Variants in GALNT10 observed in about 807,000 individuals in gnomAD.
GALNT10 encodes GalNAc transferase 10.
GALNT10 carries 41 observed loss-of-function variants against 75.0 expected under a neutral mutation model. That is an observed-to-expected ratio of 0.55 (90% CI 0.43 to 0.71). GALNT10 has a LOEUF of 0.71. Among genes scored for constraint, GALNT10 ranks in the 30% least tolerant of loss-of-function variants. The probability of loss-of-function intolerance (pLI) is 0.00; values close to 1 mark genes in which losing one functional copy is unlikely to be tolerated. For synonymous variants in GALNT10, 302 were observed against 313.0 expected, an observed-to-expected ratio of 0.96 and a Z score of 0.37; for missense variants, 727 against 818.5, an observed-to-expected ratio of 0.89 and a Z score of 1.36.
chr5:154,264,953 C>T (rs2113027699), intron 1 of GALNT10, among the ~76,000 whole-genome samples: 2 of 152,256 alleles, frequency 1.3e-5, no homozygotes, highest in Middle Eastern at 3.4e-3. Flanking sequence ...AAATTATAGC[C>T]AATGGGAACA....
At chr5:154,211,285 A>G (rs1425406015) in intron 1 of GALNT10, among the ~76,000 whole-genome samples, 2 of 152,098 alleles carry the variant, frequency 1.3e-5, no homozygotes, top group South Asian at 2.1e-4. Context: ...AGCCCCCACT[A>G]TGGACTCTCT....
intron 1 of GALNT10, among the ~76,000 whole-genome samples, chr5:154,216,397 T>G (rs980159088): frequency 6.6e-6 from 1 of 152,210 alleles, no homozygotes; most frequent in Non-Finnish European, 1.5e-5. Context: ...TGTATCTACT[T>G]ATTCATCAAA....
intron 1 of GALNT10, among the ~76,000 whole-genome samples, chr5:154,292,051 A>C (rs1463954662): frequency 6.6e-6 from 1 of 152,166 alleles, no homozygotes; most frequent in Non-Finnish European, 1.5e-5. Flanking sequence ...AACCAAACCA[A>C]AACGAAAAGC....
At chr5:154,383,037 T>A (rs1755756077) in intron 6 of GALNT10, among the ~76,000 whole-genome samples, 2 of 152,158 alleles carry the variant, frequency 1.3e-5, no homozygotes, top group South Asian at 4.1e-4. Flanking sequence ...AGTCTGGGGG[T>A]GGGATGCAGG....
At chr5:154,385,396 A>G (rs564461222) in intron 6 of GALNT10, among the ~76,000 whole-genome samples, 2 of 151,806 alleles carry the variant, frequency 1.3e-5, no homozygotes, top group Non-Finnish European at 2.9e-5. Context: ...CTGACGTTTT[A>G]TCCTCCCCTC....
intron 7 of GALNT10, chr5:154,392,994 G>A (rs1454877806): frequency 7.8e-6 from 1 of 128,552 alleles, no homozygotes; most frequent in Non-Finnish European, 1.6e-5. Context: ...GTCCTTTGGG[G>A]ATAAATAAGT....
At chr5:154,408,360 A>C (rs1280170303) in intron 8 of GALNT10, among the ~76,000 whole-genome samples, 1 of 152,162 alleles carries the variant, frequency 6.6e-6, no homozygotes, top group African/African-American at 2.4e-5. Context: ...ATAGGGAAAA[A>C]ACTTACGAAG....
chr5:154,307,480 C>T (rs35495653), intron 3 of GALNT10, among the ~76,000 whole-genome samples: 47,426 of 151,656 alleles, frequency 0.31, 7,751 homozygotes, highest in Non-Finnish European at 0.35. Context: ...ATTAGCCAGG[C>T]GTGGTGGCAG....
rs529497768 is a variant in GALNT10, at chr5:154,254,832, C to T, written c.160-39984C>T. 4.3e-4 allele frequency among the ~76,000 whole-genome samples: 65 copies of T among 152,222 alleles called. 1 individual carries two copies. In the South Asian group the frequency reaches 0.012, roughly 27 times the overall value. Reference sequence around the variant, plus strand: ...AAGTGCATTGAATATATTAAGACAACAAGAAGTTCAGGGGCAGGTAATTTA... The same window carrying T: ...AAGTGCATTGAATATATTAAGACAATAAGAAGTTCAGGGGCAGGTAATTTA... On this transcript the variant is annotated intron_variant, in intron 1 of 11. Coordinates refer to ENST00000297107, the MANE Select transcript of GALNT10 (RefSeq NM_198321.4).
intron 7 of GALNT10, among the ~76,000 whole-genome samples, chr5:154,390,384 T>C (rs1471449211): frequency 6.6e-6 from 1 of 152,216 alleles, no homozygotes; most frequent in African/African-American, 2.4e-5. Context: ...CTGTAATCTA[T>C]AACCAGATGT....
In GALNT10 at chr5:154,352,148, A is replaced by G. The variant is rs749636565; in HGVS notation, c.568+22410A>G. On this transcript the variant is annotated intron_variant, in intron 4 of 11. Coordinates refer to ENST00000297107, the MANE Select transcript of GALNT10 (RefSeq NM_198321.4). The surrounding 1 kb of genome is among the most constrained non-coding windows in gnomAD (Gnocchi z 4.4). ...CTGTTTACCAGATACCTGAGTTTCTAGCATTGGCCATTCCTGGCCTGACTC... is the reference window on the plus strand; with the variant it reads ...CTGTTTACCAGATACCTGAGTTTCTGGCATTGGCCATTCCTGGCCTGACTC... 3.3e-5 allele frequency among the ~76,000 whole-genome samples: 5 copies of G among 152,218 alleles called. No individual in the cohort carries two copies. Among genetic ancestry groups the G allele is most frequent in the Non-Finnish European group, 5.9e-5 (4 of 68,040 alleles).
intron 1 of GALNT10, among the ~76,000 whole-genome samples, chr5:154,240,794 CT>C (rs1753324461): frequency 6.6e-6 from 1 of 152,150 alleles, no homozygotes; most frequent in African/African-American, 2.4e-5. Context: ...TGAGAAGGTG[CT>C]ATTTCACTGT....
chr5:154,382,812 C>T (rs1435489249), intron 6 of GALNT10, among the ~76,000 whole-genome samples: 1 of 152,352 alleles, frequency 6.6e-6, no homozygotes, highest in South Asian at 2.1e-4. Context: ...CCATCGTTAT[C>T]CTCATTGCAC....
chr5:154,308,683 T>C (rs1754468988), intron 3 of GALNT10, among the ~76,000 whole-genome samples: 1 of 152,232 alleles, frequency 6.6e-6, no homozygotes. Flanking sequence ...GTGTTTGTTA[T>C]GGGCTCCTTT....
Position 154,269,022 on chromosome 5 carries a change from C to T in GALNT10, c.160-25794C>T, listed in dbSNP as rs1352278932. Among the ~76,000 whole-genome samples, 4 of 94,978 alleles carry T rather than the reference C, an allele frequency of 4.2e-5. No individual in the cohort carries two copies. In the East Asian group the frequency reaches 9.4e-4, roughly 22 times the overall value. 62.3% of individuals were successfully genotyped at this position (94,978 alleles called of 152,430 possible). On this transcript the variant is annotated intron_variant, in intron 1 of 11. Transcript: ENST00000297107. ...GGAAAATATAAAGAATCTGAGATGCCCTCATCTCATTGTGGCTCAAATGCA... is the reference window on the plus strand; with the variant it reads ...GGAAAATATAAAGAATCTGAGATGCTCTCATCTCATTGTGGCTCAAATGCA...
rs115184295 is a variant in GALNT10, at chr5:154,336,857, G to A, written c.568+7119G>A. On this transcript the variant is annotated intron_variant, in intron 4 of 11. Coordinates refer to ENST00000297107, the MANE Select transcript of GALNT10 (RefSeq NM_198321.4). ...ACTCTTTTATTATCACAGCACTATG[G>A]TAGGTTCTGTCATGCCTAGTGTGAA... Among the ~76,000 whole-genome samples, 1,232 of 152,258 alleles carry A rather than the reference G, an allele frequency of 8.1e-3. 23 individuals carry two copies. The highest frequency in any genetic ancestry group is 0.028 in the African/African-American group (1,157 of 41,546).
In GALNT10 at chr5:154,420,038, G is replaced by A. The variant is rs1370037890; in HGVS notation, c.*3066G>A. The A allele has an allele frequency of 6.6e-6, 1 of 152,200 alleles. No homozygotes were observed. Among genetic ancestry groups the A allele is most frequent in the East Asian group, 1.9e-4 (1 of 5,200 alleles). The allele number at this position is 152,200 out of a possible 1,614,324, so 9.4% of individuals were successfully genotyped here. A position where few individuals can be genotyped will look rare whatever the true frequency, so the allele number is the denominator to read the frequency against. On this transcript the variant is annotated 3_prime_UTR_variant, in exon 12 of 12. Transcript: ENST00000297107. ...CTGTTGCTTTAAGAACAAGGCCTTT[G>A]GAGGTGGCTAAACTTGCACGCACGT... is the stretch of plus-strand genomic sequence containing the variant.
At chr5:154,214,180 A>AT (rs1321191490) in intron 1 of GALNT10, among the ~76,000 whole-genome samples, 1 of 152,094 alleles carries the variant, frequency 6.6e-6, no homozygotes, top group East Asian at 1.9e-4. Flanking sequence ...TTTGAGAAAA[A>AT]TTGGTTTTGA....
chr5:154,316,857 C>G (rs1475370181), intron 3 of GALNT10, among the ~76,000 whole-genome samples: 1 of 152,184 alleles, frequency 6.6e-6, no homozygotes. Flanking sequence ...TTCAGTGAAG[C>G]CTTACTGAAG....
Sources: gnomAD v4.1 joint callset for allele counts (sites outside exome capture counted in the v4.1 genomes callset) on GRCh38, gnomAD v4.1.1 for gene constraint, Gnocchi (gnomAD v3.1) non-coding constraint, MANE v1.5 for transcripts, NCBI Gene and HGNC (gene_info 2026-07-23, HGNC 2026-07-21) for gene names.